ANKRD44: variants seen among roughly 807,000 people sequenced by gnomAD.
The protein encoded by ANKRD44 is ankyrin repeat domain 44, also known as serine/threonine-protein phosphatase 6 regulatory ankyrin repeat subunit B.
A neutral mutation model predicts 116.0 loss-of-function variants in ANKRD44; 35 were observed. The observed-to-expected ratio is 0.30, with a 90% CI of 0.23 to 0.40. The LOEUF (loss-of-function observed/expected upper bound fraction) is 0.40. ANKRD44 is among the 10% of genes least tolerant of loss of function. The pLI is 1.00. For synonymous variants in ANKRD44, 435 were observed against 461.8 expected, an observed-to-expected ratio of 0.94 and a Z score of 0.74; for missense variants, 1,014 against 1,242.6, an observed-to-expected ratio of 0.82 and a Z score of 2.77.
chr2:197,294,920 G>A (rs2105889561), intron 1 of ANKRD44, among the ~76,000 whole-genome samples: 1 of 152,196 alleles, frequency 6.6e-6, no homozygotes, highest in South Asian at 2.1e-4. Flanking sequence ...TGCATCAAAA[G>A]TACATATTAA....
At chr2:197,068,949 T>C (rs2077501287) in intron 16 of ANKRD44, among the ~76,000 whole-genome samples, 1 of 152,204 alleles carries the variant, frequency 6.6e-6, no homozygotes, top group African/African-American at 2.4e-5. Flanking sequence ...CATTACTGGG[T>C]ATATACCCAA....
At chr2:197,234,309 A>G (rs1305874931) in intron 1 of ANKRD44, among the ~76,000 whole-genome samples, 1 of 151,498 alleles carries the variant, frequency 6.6e-6, no homozygotes, top group Non-Finnish European at 1.5e-5. Flanking sequence ...CTCCCACCTC[A>G]GCCTCCATAG....
At chr2:197,244,733 A>T (rs1485192386) in intron 1 of ANKRD44, among the ~76,000 whole-genome samples, 1 of 152,220 alleles carries the variant, frequency 6.6e-6, no homozygotes, top group African/African-American at 2.4e-5. Context: ...AATCTTTTAA[A>T]GAGAGCTGAC....
intron 15 of ANKRD44, among the ~76,000 whole-genome samples, chr2:197,080,632 T>G (rs554605587): frequency 6.6e-6 from 1 of 152,360 alleles, no homozygotes; most frequent in Admixed American, 6.5e-5. Context: ...GTCATTCTAT[T>G]TTATTCACTG....
At chr2:196,996,467 G>A (rs1045231123) in intron 25 of ANKRD44, among the ~76,000 whole-genome samples, 3 of 152,126 alleles carry the variant, frequency 2.0e-5, no homozygotes, top group Admixed American at 1.3e-4. Context: ...ACCGCCATGG[G>A]TGCCAACTGG....
chr2:197,286,040 C>T (rs1205112673), intron 1 of ANKRD44, among the ~76,000 whole-genome samples: 1 of 152,140 alleles, frequency 6.6e-6, no homozygotes, highest in African/African-American at 2.4e-5. Context: ...GACAAGCTGG[C>T]CAATTTGGCA....
chr2:197,193,658 T>A (rs2080876708), intron 1 of ANKRD44, among the ~76,000 whole-genome samples: 1 of 151,942 alleles, frequency 6.6e-6, no homozygotes, highest in Non-Finnish European at 1.5e-5. Context: ...GGAGGGTGGA[T>A]CACGAGGTCA....
intron 2 of ANKRD44, among the ~76,000 whole-genome samples, chr2:197,163,844 C>A (rs2080031179): frequency 6.6e-6 from 1 of 152,136 alleles, no homozygotes; most frequent in Non-Finnish European, 1.5e-5. Context: ...GGCAGGCTAG[C>A]CTGGAACTCC....
intron 1 of ANKRD44, among the ~76,000 whole-genome samples, chr2:197,272,220 T>C (rs2082917216): frequency 6.6e-6 from 1 of 152,068 alleles, no homozygotes; most frequent in South Asian, 2.1e-4. Flanking sequence ...ATTGTTTTAT[T>C]TGTTTGTTTG....
rs2080695813 is a variant in ANKRD44 at position 197,187,091 on chromosome 2, C to T, written c.43G>A (p.Ala15Thr). The change falls in exon 2 of 28, where the codon GCA becomes ACA. Residue 15 changes from alanine (A) to threonine (T), a missense_variant. Ala to Thr is a moderately conservative substitution (Grantham distance 58, BLOSUM62 0). Transcript: ENST00000282272. ...KLTDQPPLVQAIFSGDPEEIR... is the reference protein window; with the variant it reads ...KLTDQPPLVQTIFSGDPEEIR... ...TCCTCTGGATCACCGCTGAAGATTG[C>T]CTGAACCAATGGTGGCTGCAAACAC... is the stretch of plus-strand genomic sequence containing the variant. The T allele has an allele frequency of 6.2e-7, 1 of 1,614,054 alleles. No individual in the cohort carries two copies. Among genetic ancestry groups the T allele is most frequent in the South Asian group, 1.1e-5 (1 of 91,080 alleles).
intron 3 of ANKRD44, among the ~76,000 whole-genome samples, chr2:197,139,442 G>C (rs1368118346): frequency 1.3e-5 from 2 of 152,136 alleles, no homozygotes; most frequent in African/African-American, 4.8e-5. Context: ...AATACCAGCT[G>C]TATTTCTATA....
chr2:197,014,626 A>G (rs929038328), intron 17 of ANKRD44, among the ~76,000 whole-genome samples: 1 of 151,960 alleles, frequency 6.6e-6, no homozygotes, highest in Non-Finnish European at 1.5e-5. Flanking sequence ...CGTCCCTACT[A>G]AAAATACAAA....
chr2:196,983,430 C>A (rs2075816809), downstream of ANKRD44, among the ~76,000 whole-genome samples: 2 of 152,166 alleles, frequency 1.3e-5, no homozygotes, highest in Admixed American at 6.5e-5. Flanking sequence ...CTCATTCCTG[C>A]CTTTGGGTAT....
chr2:197,239,042 C>G (rs1023052110), intron 1 of ANKRD44, among the ~76,000 whole-genome samples: 1 of 152,074 alleles, frequency 6.6e-6, no homozygotes, highest in Non-Finnish European at 1.5e-5. Context: ...ATCTGTCTTG[C>G]TGCTCCATTC....
intron 14 of ANKRD44, 135 bp downstream of exon 14, chr2:197,083,234 G>T: frequency 2.6e-6 from 3 of 1,142,012 alleles, no homozygotes; most frequent in East Asian, 5.2e-5. Context: ...GCCCAGGTTT[G>T]GAATTAAGCA....
rs757920016 is a variant in ANKRD44 at position 197,025,224 on chromosome 2, C to A, written c.1694G>T (p.Gly565Val). 1 of 1,612,598 alleles carries A rather than the reference C, an allele frequency of 6.2e-7. No individual in the cohort carries two copies. The highest frequency in any genetic ancestry group is 8.5e-7 in the Non-Finnish European group (1 of 1,178,782). ...TAAGTGGAGTGGACTCTTAGTAGCACCAGAATCTGATTCTTCAAATCCACT... is the reference window on the plus strand; with the variant it reads ...TAAGTGGAGTGGACTCTTAGTAGCAACAGAATCTGATTCTTCAAATCCACT... ...TNSGFEESDS[G>V]ATKSPLHLAA... The change falls in exon 17 of 28, where the codon GGT becomes GTT. Residue 565 changes from glycine to valine, a missense_variant. Coordinates refer to ENST00000282272, the MANE Select transcript of ANKRD44 (RefSeq NM_001195144.2).
chr2:196,968,534 GGGA>G (rs1287129800), intron 21 of ANKRD44, among the ~76,000 whole-genome samples: 6 of 152,188 alleles, frequency 3.9e-5, no homozygotes, highest in African/African-American at 1.2e-4. Context: ...CCTGCCTAGT[GGGA>G]GGAGGAGGAT....
chr2:196,982,518 A>G (rs1414346850), downstream of ANKRD44, among the ~76,000 whole-genome samples: 1 of 152,128 alleles, frequency 6.6e-6, no homozygotes, highest in Non-Finnish European at 1.5e-5. Context: ...AATGACTCCA[A>G]ATCAACTTTC....
chr2:196,971,002 C>T (rs887018023), intron 21 of ANKRD44, among the ~76,000 whole-genome samples: 3 of 152,138 alleles, frequency 2.0e-5, no homozygotes, highest in Non-Finnish European at 2.9e-5. Context: ...CACGACTGGC[C>T]AATATTTTAA....
Sources: allele counts gnomAD v4.1 joint callset (sites outside exome capture counted in the v4.1 genomes callset), GRCh38; gene constraint gnomAD v4.1.1; transcripts MANE v1.5; gene names NCBI Gene and HGNC (gene_info 2026-07-23, HGNC 2026-07-21).